THSD7A: variants seen among roughly 807,000 people sequenced by gnomAD.
THSD7A encodes thrombospondin type 1 domain containing 7A, also known as thrombospondin type-1 domain-containing protein 7A.
THSD7A carries 96 observed loss-of-function variants against 231.3 expected under a neutral mutation model. That is an observed-to-expected ratio of 0.41 (90% CI 0.35 to 0.49). The LOEUF (loss-of-function observed/expected upper bound fraction) is 0.49. THSD7A is among the 20% of genes least tolerant of loss of function. The pLI, the probability that THSD7A is intolerant of heterozygous loss-of-function variation, is 0.05. For synonymous variants in THSD7A, 940 were observed against 743.3 expected (o/e 1.26, Z -4.30); for missense variants, 2,290 against 2,070.2 (o/e 1.11, Z -2.06).
intron 6 of THSD7A, among the ~76,000 whole-genome samples, chr7:11,511,306 A>C (rs1035420481): frequency 6.6e-6 from 1 of 152,224 alleles, no homozygotes; most frequent in Admixed American, 6.5e-5. Context: ...ATGGAAGAAC[A>C]TTCCATGCTC....
chr7:11,419,296 G>A (rs1033186540), intron 16 of THSD7A, among the ~76,000 whole-genome samples: 47 of 152,168 alleles, frequency 3.1e-4, no homozygotes, highest in African/African-American at 1.1e-3. Context: ...GAGGTCACTG[G>A]ATCATGGGGG....
At chr7:11,821,403 T>TC in intron 1 of THSD7A, 1 of 352,316 alleles carries the variant, frequency 2.8e-6, no homozygotes, top group Non-Finnish European at 5.3e-6. Context: ...AAAAGCCCTT[T>TC]TTTTTTCTTT....
chr7:11,664,917 T>A (rs1409472377), intron 1 of THSD7A, among the ~76,000 whole-genome samples: 3 of 151,992 alleles, frequency 2.0e-5, no homozygotes, highest in Non-Finnish European at 4.4e-5. Flanking sequence ...TGTCGCTTTC[T>A]AATAAGATGG....
intron 6 of THSD7A, among the ~76,000 whole-genome samples, chr7:11,489,891 T>G (rs896533812): frequency 7.2e-5 from 11 of 152,134 alleles, no homozygotes; most frequent in African/African-American, 2.6e-4. Flanking sequence ...TTCTCTTTTT[T>G]CCCCCACATA....
At chr7:11,570,805 A>G (rs1364075537) in intron 4 of THSD7A, among the ~76,000 whole-genome samples, 1 of 152,194 alleles carries the variant, frequency 6.6e-6, no homozygotes, top group Non-Finnish European at 1.5e-5. Flanking sequence ...GTAGGGGTGG[A>G]GAGGGATTTA....
chr7:11,418,529 G>A (rs946013589), intron 16 of THSD7A, among the ~76,000 whole-genome samples: 12 of 152,322 alleles, frequency 7.9e-5, no homozygotes, highest in African/African-American at 1.9e-4. Flanking sequence ...CATTTCAGGA[G>A]TTGAAAAGGA....
intron 1 of THSD7A, among the ~76,000 whole-genome samples, chr7:11,752,004 G>A (rs1466531517): frequency 1.3e-5 from 2 of 152,112 alleles, no homozygotes; most frequent in Non-Finnish European, 2.9e-5. Flanking sequence ...GATGAGCAGG[G>A]TGGGGAGCAG....
At chr7:11,434,905 C>T (rs898255200) in intron 13 of THSD7A, among the ~76,000 whole-genome samples, 13 of 151,788 alleles carry the variant, frequency 8.6e-5, no homozygotes, top group East Asian at 1.9e-4. Flanking sequence ...ATGTTCTACC[C>T]GTTGTATATT....
At chr7:11,481,503 G>A (rs1786422193) in intron 7 of THSD7A, among the ~76,000 whole-genome samples, 1 of 152,092 alleles carries the variant, frequency 6.6e-6, no homozygotes, top group African/African-American at 2.4e-5. Flanking sequence ...CCTTCTTAAA[G>A]GCCTAACACT....
chr7:11,521,404 G>C lies in THSD7A; in HGVS notation c.1822+20015C>G, dbSNP rs146693443. 1.2e-3 allele frequency among the ~76,000 whole-genome samples: 188 copies of C among 151,666 alleles called. 4 individuals carry two copies. The East Asian group carries it at 0.034, about 28-fold the overall frequency. On this transcript the variant is annotated intron_variant, in intron 6 of 27. Coordinates refer to ENST00000423059, the MANE Select transcript of THSD7A (RefSeq NM_015204.3). ...ATTGGCCACTGTGATTTCTAATATA[G>C]AACTCTCTAGAGACACTGAAGTCAC... is the stretch of plus-strand genomic sequence containing the variant.
In THSD7A at chr7:11,774,567, T is replaced by C. The variant is rs143377312; in HGVS notation, c.190+57190A>G. ...TTTTGGAGGTAATGGATATTTTTAT[T>C]ACCTTAATTGTAGTCTTGGTATAAC... On this transcript the variant is annotated intron_variant, in intron 1 of 27. Coordinates refer to ENST00000423059, the MANE Select transcript of THSD7A (RefSeq NM_015204.3). Among the ~76,000 whole-genome samples the C allele has an allele frequency of 3.9e-3, 588 of 152,276 alleles. 6 individuals are homozygous for C. The highest frequency in any genetic ancestry group is 5.8e-3 in the Non-Finnish European group (393 of 68,022).
intron 2 of THSD7A, among the ~76,000 whole-genome samples, chr7:11,628,747 T>G (rs1220084280): frequency 6.6e-6 from 1 of 152,196 alleles, no homozygotes; most frequent in Non-Finnish European, 1.5e-5. Context: ...AGTAAATAAA[T>G]GCATAGTGAA....
chr7:11,532,485 T>C lies in THSD7A; in HGVS notation c.1822+8934A>G, dbSNP rs1366672975. Among the ~76,000 whole-genome samples, 7 of 152,292 alleles carry C rather than the reference T, an allele frequency of 4.6e-5. No homozygotes were observed. In the East Asian group the frequency reaches 1.4e-3, roughly 29 times the overall value. On this transcript the variant is annotated intron_variant, in intron 6 of 27. Transcript: ENST00000423059. ...ACTGTTAGTGAAGGATAGAGACAGA[T>C]ATTAAATAATAAATTAAATCATTTG...
chr7:11,685,174 C>T (rs1322520054), intron 1 of THSD7A, among the ~76,000 whole-genome samples: 1 of 151,734 alleles, frequency 6.6e-6, no homozygotes, highest in Non-Finnish European at 1.5e-5. Context: ...TAACTATATG[C>T]AGCAGAATGA....
At chr7:11,713,757 G>A (rs1781041669) in intron 1 of THSD7A, among the ~76,000 whole-genome samples, 1 of 151,124 alleles carries the variant, frequency 6.6e-6, no homozygotes, top group African/African-American at 2.4e-5. Flanking sequence ...AAATAAACAG[G>A]CACACAGAGC....
At chr7:11,653,598 A>C (rs1174943944) in intron 1 of THSD7A, among the ~76,000 whole-genome samples, 2 of 151,664 alleles carry the variant, frequency 1.3e-5, no homozygotes, top group African/African-American at 4.8e-5. Context: ...TCTTAAGCTC[A>C]ATCAATCCTG....
intron 15 of THSD7A, 141 bp from the exon 16 acceptor site, chr7:11,424,970 T>C (rs1450656786): frequency 8.0e-6 from 8 of 1,004,530 alleles, no homozygotes; most frequent in Non-Finnish European, 1.2e-5. Context: ...AACATTGCAA[T>C]AGAGAGAACT....
chr7:11,525,051 T>C (rs1287673267), intron 6 of THSD7A, among the ~76,000 whole-genome samples: 1 of 152,226 alleles, frequency 6.6e-6, no homozygotes, highest in Non-Finnish European at 1.5e-5. Flanking sequence ...TTTTTCACAT[T>C]TAATATTAAC....
chr7:11,386,163 G>C (rs186512287), intron 23 of THSD7A, among the ~76,000 whole-genome samples: 1 of 152,156 alleles, frequency 6.6e-6, no homozygotes, highest in South Asian at 2.1e-4. Context: ...TGTGAACAGT[G>C]CTGCAATAAA....
Sources: allele counts gnomAD v4.1 joint callset (sites outside exome capture counted in the v4.1 genomes callset), GRCh38; gene constraint gnomAD v4.1.1; transcripts MANE v1.5; gene names NCBI Gene and HGNC (gene_info 2026-07-23, HGNC 2026-07-21).